XRCC2: variants seen among roughly 807,000 people sequenced by gnomAD.
XRCC2 encodes X-ray repair cross complementing 2.
Under a neutral mutation model 27.3 loss-of-function variants are expected in XRCC2, and 24 were observed. That is an observed-to-expected ratio of 0.88 (90% CI 0.64 to 1.24). The LOEUF (loss-of-function observed/expected upper bound fraction) is 1.24. Among genes scored for constraint, XRCC2 ranks in the 50% most tolerant of loss-of-function variants. The pLI, the probability that XRCC2 is intolerant of heterozygous loss-of-function variation, is 0.00. For synonymous variants in XRCC2, 106 were observed against 115.4 expected, an observed-to-expected ratio of 0.92 and a Z score of 0.52; for missense variants, 321 against 325.8, an observed-to-expected ratio of 0.99 and a Z score of 0.11.
chr7:152,658,595 G>A (rs1336316731), intron 2 of XRCC2, among the ~76,000 whole-genome samples: 3 of 152,208 alleles, frequency 2.0e-5, no homozygotes, highest in South Asian at 2.1e-4. Flanking sequence ...CCCTTCCCCC[G>A]CCTCCCCAGC....
intron 1 of XRCC2, among the ~76,000 whole-genome samples, chr7:152,674,404 G>A (rs897619329): frequency 6.6e-6 from 1 of 152,034 alleles, no homozygotes. Flanking sequence ...CTGAGGTCAG[G>A]AGTTCGAAAC....
At chr7:152,674,739 A>AATATATATTTAAATATATATTATATAT (rs1563035348) in intron 1 of XRCC2, among the ~76,000 whole-genome samples, 159 of 3,544 alleles carry the variant, frequency 0.045, 5 homozygotes, top group Admixed American at 0.15. Flanking sequence ...TATTATATAT[A>AATATATATTTAAATATATATTATATAT]AATATATTTT....
chr7:152,662,667 G>C (rs2098033658), intron 1 of XRCC2, among the ~76,000 whole-genome samples: 1 of 145,198 alleles, frequency 6.9e-6, no homozygotes, highest in Non-Finnish European at 1.5e-5. Flanking sequence ...CCGCCTCCCG[G>C]GTTCACGCCA....
At chr7:152,675,211 T>C (rs919034100) in intron 1 of XRCC2, among the ~76,000 whole-genome samples, 2 of 152,112 alleles carry the variant, frequency 1.3e-5, no homozygotes, top group Admixed American at 6.6e-5. Flanking sequence ...TCAGAATCCA[T>C]GTACTCCCGA....
At chr7:152,659,438 T>C (rs2116998395) in intron 2 of XRCC2, among the ~76,000 whole-genome samples, 1 of 152,294 alleles carries the variant, frequency 6.6e-6, no homozygotes, top group East Asian at 1.9e-4. Context: ...CCTAAAGTGC[T>C]GGGATTACAG....
intron 1 of XRCC2, among the ~76,000 whole-genome samples, chr7:152,663,029 C>A (rs2098033985): frequency 6.6e-6 from 1 of 152,040 alleles, no homozygotes; most frequent in Non-Finnish European, 1.5e-5. Context: ...AAGATGACAA[C>A]CTACCCTCAA....
At chr7:152,660,612 T>C in intron 2 of XRCC2, 89 bp downstream of exon 2, 1 of 1,069,674 alleles carries the variant, frequency 9.3e-7, no homozygotes, top group Non-Finnish European at 1.4e-6. Context: ...TATAAACTCT[T>C]GTGAGGAGTA....
chr7:152,657,235 A>T (rs1473491132), intron 2 of XRCC2, among the ~76,000 whole-genome samples: 11 of 566 alleles, frequency 0.019, no homozygotes, highest in African/African-American at 0.052. Flanking sequence ...GACTCCATCT[A>T]AAAAAAAAAA....
chr7:152,653,046 T>C (rs559083614), intron 2 of XRCC2, among the ~76,000 whole-genome samples: 2 of 152,136 alleles, frequency 1.3e-5, no homozygotes, highest in Non-Finnish European at 2.9e-5. Context: ...ATGGTTAGGC[T>C]GTGTCCCCAC....
intron 2 of XRCC2, among the ~76,000 whole-genome samples, chr7:152,658,418 C>A (rs1362243439): frequency 1.3e-5 from 2 of 152,216 alleles, no homozygotes; most frequent in Non-Finnish European, 2.9e-5. Context: ...TCCCAAAGTG[C>A]TGGGATTACA....
rs2098027363 is a variant in XRCC2, at chr7:152,649,036, C to T, written c.449G>A (p.Ser150Asn). 6.2e-7 allele frequency: 1 copy of T among 1,614,048 alleles called. No individual in the cohort carries two copies. Among genetic ancestry groups the T allele is most frequent in the South Asian group, 1.1e-5 (1 of 91,090 alleles). The change falls in exon 3 of 3, where the codon AGC becomes AAC. Residue 150 changes from serine to asparagine, a missense_variant. Ser to Asn is a conservative substitution (Grantham distance 46). Coordinates refer to ENST00000359321, the MANE Select transcript of XRCC2 (RefSeq NM_005431.2). ...HPSLCLLILD[S>N]LSAFYWIDRV... Reference sequence around the variant, plus strand: ...GTCTATCCAGTAAAAAGCTGACAGGCTATCCAAAATCAAAAGGCAGAGAGA... The same window carrying T: ...GTCTATCCAGTAAAAAGCTGACAGGTTATCCAAAATCAAAAGGCAGAGAGA...
intron 1 of XRCC2, among the ~76,000 whole-genome samples, chr7:152,671,382 T>C (rs920869166): frequency 2.6e-5 from 4 of 152,030 alleles, no homozygotes; most frequent in African/African-American, 9.7e-5. Context: ...TTAATATGTA[T>C]CTCCTAAGCA....
chr7:152,661,142 A>AT (rs548113925), intron 1 of XRCC2, among the ~76,000 whole-genome samples: 83 of 152,244 alleles, frequency 5.5e-4, no homozygotes, highest in African/African-American at 2.0e-3. Context: ...CTCAAAAAAA[A>AT]TTTTTTTCAT....
intron 1 of XRCC2, among the ~76,000 whole-genome samples, chr7:152,674,750 T>A (rs371699546): frequency 3.8e-5 from 4 of 106,040 alleles, no homozygotes; most frequent in African/African-American, 7.0e-5. Flanking sequence ...AATATATTTT[T>A]AAATATATAT....
Position 152,648,395 on chromosome 7 carries a change from G to C in XRCC2, c.*247C>G. 3.5e-6 allele frequency: 1 copy of C among 282,716 alleles called. No homozygotes were observed. Among genetic ancestry groups the C allele is most frequent in the East Asian group, 5.8e-5 (1 of 17,256 alleles). 17.5% of individuals were successfully genotyped at this position (282,716 alleles called of 1,614,324 possible). A position where few individuals can be genotyped will look rare whatever the true frequency, so the allele number is the denominator to read the frequency against. ...GCACTCCAGCAGCCTGGGAGACAGA[G>C]TAAGACTGTTTCAAAAAGAAAAAAA... On this transcript the variant is annotated 3_prime_UTR_variant, in exon 3 of 3. Coordinates refer to ENST00000359321, the MANE Select transcript of XRCC2 (RefSeq NM_005431.2).
chr7:152,648,618 C>T lies in XRCC2; in HGVS notation c.*24G>A, dbSNP rs547985094. On this transcript the variant is annotated 3_prime_UTR_variant, in exon 3 of 3. Transcript: ENST00000359321. ...ATTTTAAGGCTTGCGTAGTACCCTGCAAAAGACTATTTTATGATGTATATC... is the reference window on the plus strand; with the variant it reads ...ATTTTAAGGCTTGCGTAGTACCCTGTAAAAGACTATTTTATGATGTATATC... The T allele has an allele frequency of 1.3e-6, 2 of 1,561,226 alleles. No homozygotes were observed. The highest frequency in any genetic ancestry group is 2.5e-5 in the South Asian group (2 of 80,956).
intron 2 of XRCC2, among the ~76,000 whole-genome samples, chr7:152,650,501 C>T (rs3218525): frequency 3.9e-5 from 6 of 152,194 alleles, no homozygotes; most frequent in Non-Finnish European, 8.8e-5. Flanking sequence ...TGGCATTCAA[C>T]TCTTGCTTGT....
At chr7:152,660,413 A>G (rs984082786) in intron 2 of XRCC2, among the ~76,000 whole-genome samples, 1 of 152,236 alleles carries the variant, frequency 6.6e-6, no homozygotes, top group African/African-American at 2.4e-5. Flanking sequence ...CTTCTAAAGA[A>G]AAGGAATTTC....
intron 1 of XRCC2, among the ~76,000 whole-genome samples, chr7:152,673,186 T>C (rs1264022043): frequency 6.6e-6 from 1 of 152,126 alleles, no homozygotes; most frequent in Non-Finnish European, 1.5e-5. Flanking sequence ...TAAAAAAATA[T>C]ATATTCTTTT....
Sources: gnomAD v4.1 joint callset for allele counts (sites outside exome capture counted in the v4.1 genomes callset) on GRCh38, gnomAD v4.1.1 for gene constraint, MANE v1.5 for transcripts, NCBI Gene and HGNC (gene_info 2026-07-23, HGNC 2026-07-21) for gene names.